The following FRMD4A variants were observed in gnomAD, a reference collection of about 807,000 sequenced individuals.
The protein encoded by FRMD4A is FERM domain containing 4A, also known as FERM domain-containing protein 4A.
In FRMD4A, 29 loss-of-function variants were observed where a neutral mutation model predicts 129.1. That is an observed-to-expected ratio of 0.22 (90% CI 0.17 to 0.31). FRMD4A has a LOEUF of 0.31. Ranked by LOEUF, FRMD4A falls within the 10% of genes least tolerant of loss-of-function variation. FRMD4A has a pLI of 1.00. For missense variants in FRMD4A, 1,272 were observed against 1,375.8 expected, an observed-to-expected ratio of 0.92 and a Z score of 1.19; for synonymous variants, 634 against 571.6, an observed-to-expected ratio of 1.11 and a Z score of -1.56.
At chr10:14,043,750 T>A (rs1833876098) in intron 2 of FRMD4A, among the ~76,000 whole-genome samples, 1 of 152,238 alleles carries the variant, frequency 6.6e-6, no homozygotes, top group Non-Finnish European at 1.5e-5. Flanking sequence ...CTCATCAAAC[T>A]AGCTGCAGCT....
At position 14,330,038 on chromosome 10, in the gene FRMD4A, C is replaced by T. The variant is rs1187952169; in HGVS notation, c.45+20G>A. On this transcript the variant is annotated intron_variant, in intron 2 of 24. Transcript: ENST00000357447. ...TGGAGTGGACGCTGCCCGGGCCCCA[C>T]CTCCTGTCTGAACACTCACCATCAG... 7 of 1,551,684 alleles carry T rather than the reference C, an allele frequency of 4.5e-6. No homozygotes were observed. The highest frequency in any genetic ancestry group is 2.4e-5 in the East Asian group (1 of 40,964).
At chr10:13,771,776 T>C (rs1029608907) in intron 6 of FRMD4A, among the ~76,000 whole-genome samples, 1 of 152,068 alleles carries the variant, frequency 6.6e-6, no homozygotes, top group African/African-American at 2.4e-5. Flanking sequence ...ATGTGATGAA[T>C]GTCCCTAAAG....
intron 2 of FRMD4A, among the ~76,000 whole-genome samples, chr10:14,222,136 G>A (rs1232139156): frequency 2.6e-5 from 4 of 152,114 alleles, no homozygotes; most frequent in African/African-American, 7.2e-5. Flanking sequence ...CATATCTTTC[G>A]ATATTCAAAT....
chr10:14,225,915 G>C (rs1275712044), intron 2 of FRMD4A, among the ~76,000 whole-genome samples: 1 of 152,094 alleles, frequency 6.6e-6, no homozygotes, highest in African/African-American at 2.4e-5. Context: ...CATCTCAAAG[G>C]GGTCATTTCT....
intron 2 of FRMD4A, among the ~76,000 whole-genome samples, chr10:13,883,809 G>A (rs151297948): frequency 2.5e-4 from 38 of 152,210 alleles, no homozygotes; most frequent in African/African-American, 8.4e-4. Flanking sequence ...CTGTCCCTTA[G>A]GGCTCACTGA....
intron 2 of FRMD4A, among the ~76,000 whole-genome samples, chr10:13,952,533 A>G (rs964933160): frequency 2.0e-5 from 3 of 152,078 alleles, no homozygotes; most frequent in African/African-American, 7.2e-5. Flanking sequence ...AAAAGAAGAC[A>G]CCAAAAAGTG....
chr10:13,773,637 T>A (rs1182697206), intron 6 of FRMD4A, among the ~76,000 whole-genome samples: 1 of 152,234 alleles, frequency 6.6e-6, no homozygotes, highest in Non-Finnish European at 1.5e-5. Flanking sequence ...CTAAACAGAC[T>A]CTGTCATTTT....
intron 6 of FRMD4A, among the ~76,000 whole-genome samples, chr10:13,777,052 G>A (rs776104819): frequency 1.3e-5 from 2 of 152,242 alleles, no homozygotes; most frequent in African/African-American, 4.8e-5. Context: ...GAGAGGAAAG[G>A]GAAGCTTGGA....
At chr10:14,213,568 G>T (rs1842988956) in intron 2 of FRMD4A, among the ~76,000 whole-genome samples, 1 of 152,202 alleles carries the variant, frequency 6.6e-6, no homozygotes, top group African/African-American at 2.4e-5. Flanking sequence ...CCCTCAGGTT[G>T]CCCTGGGCTA....
At chr10:13,845,651 G>A (rs57424648) in intron 3 of FRMD4A, among the ~76,000 whole-genome samples, 1 of 152,110 alleles carries the variant, frequency 6.6e-6, no homozygotes, top group Non-Finnish European at 1.5e-5. Context: ...CCTAAGAGAT[G>A]CCCATGTTGT....
At chr10:14,193,112 T>C (rs1333686232) in intron 2 of FRMD4A, among the ~76,000 whole-genome samples, 3 of 152,258 alleles carry the variant, frequency 2.0e-5, no homozygotes, top group South Asian at 2.1e-4. Context: ...TTTGTTTGAA[T>C]GGGATTTCTG....
At position 13,830,205 on chromosome 10, in the gene FRMD4A, T is replaced by C. The variant is rs1014944249; in HGVS notation, c.112-19297A>G. ...GTGTCACTGACTGCCAGGCAGAGCA[T>C]CCATCGGGCAGGGCGCTGTCCCTCC... is the stretch of plus-strand genomic sequence containing the variant. On this transcript the variant is annotated intron_variant, in intron 3 of 24. Coordinates refer to ENST00000357447, the MANE Select transcript of FRMD4A (RefSeq NM_018027.5). Among the ~76,000 whole-genome samples the C allele has an allele frequency of 7.2e-5, 11 of 152,206 alleles. No homozygotes were observed. In the East Asian group the frequency reaches 2.1e-3, roughly 29 times the overall value.
chr10:14,255,941 G>A (rs2132026685), intron 2 of FRMD4A, among the ~76,000 whole-genome samples: 1 of 150,738 alleles, frequency 6.6e-6, no homozygotes, highest in East Asian at 1.9e-4. Context: ...AGAATGCAGA[G>A]GTTGCAGTGA....
At chr10:13,775,509 A>T (rs1228219763) in intron 6 of FRMD4A, among the ~76,000 whole-genome samples, 2 of 152,230 alleles carry the variant, frequency 1.3e-5, no homozygotes, top group Admixed American at 1.3e-4. Context: ...ATATGCCAGT[A>T]TCCAAACATT....
At chr10:13,913,601 C>G (rs546706097) in intron 2 of FRMD4A, among the ~76,000 whole-genome samples, 1 of 152,260 alleles carries the variant, frequency 6.6e-6, no homozygotes, top group East Asian at 1.9e-4. Flanking sequence ...TCCTGAGGCA[C>G]GTGATCCGCC....
At chr10:14,062,027 C>A (rs968763796) in intron 2 of FRMD4A, among the ~76,000 whole-genome samples, 1 of 152,118 alleles carries the variant, frequency 6.6e-6, no homozygotes, top group African/African-American at 2.4e-5. Flanking sequence ...AATGTGCATA[C>A]CCTTGGAACA....
chr10:13,800,390 C>T (rs2130841350), intron 4 of FRMD4A, among the ~76,000 whole-genome samples: 1 of 152,258 alleles, frequency 6.6e-6, no homozygotes, highest in East Asian at 1.9e-4. Context: ...TTTGTCTTAC[C>T]ATATTTTATG....
chr10:14,185,961 G>C (rs1347173874), intron 2 of FRMD4A, among the ~76,000 whole-genome samples: 1 of 152,174 alleles, frequency 6.6e-6, no homozygotes, highest in South Asian at 2.1e-4. Flanking sequence ...CATCAGGTGA[G>C]AGGAAAAGCA....
intron 2 of FRMD4A, among the ~76,000 whole-genome samples, chr10:13,976,450 C>G (rs546692279): frequency 8.5e-5 from 13 of 152,126 alleles, no homozygotes; most frequent in Non-Finnish European, 1.9e-4. Context: ...CTCCCACCTC[C>G]GTCCCACTGG....
Sources: gnomAD v4.1 joint callset for allele counts (sites outside exome capture counted in the v4.1 genomes callset) on GRCh38, gnomAD v4.1.1 for gene constraint, MANE v1.5 for transcripts, NCBI Gene and HGNC (gene_info 2026-07-23, HGNC 2026-07-21) for gene names.